C3orf49: variants seen among roughly 807,000 people sequenced by gnomAD.
C3orf49 encodes chromosome 3 open reading frame 49.
In C3orf49, 27 loss-of-function variants were observed where a neutral mutation model predicts 13.3. The observed-to-expected ratio is 2.02, with a 90% CI of 1.49 to 2.79. The LOEUF is 2.79. Ranked by LOEUF, C3orf49 falls within the 30% of genes most tolerant of loss-of-function variation. The pLI is 0.00. For missense variants in C3orf49, 242 were observed against 134.2 expected, an observed-to-expected ratio of 1.80 and a Z score of -3.97; for synonymous variants, 87 against 47.6, an observed-to-expected ratio of 1.83 and a Z score of -3.40.
the C3orf49 span, among the ~76,000 whole-genome samples, chr3:63,799,343 T>C: frequency 6.6e-6 from 1 of 152,070 alleles, no homozygotes; most frequent in Non-Finnish European, 1.5e-5. Context: ...ACCTCAAATA[T>C]TAGTGGACAT....
At chr3:63,832,028 T>A in intron 5 of C3orf49, 184 bp downstream of exon 5, 1 of 510,250 alleles carries the variant, frequency 2.0e-6, no homozygotes, top group African/African-American at 2.0e-5. Flanking sequence ...ACCCTGTCTC[T>A]ACTAAAAATA....
the C3orf49 span, among the ~76,000 whole-genome samples, chr3:63,785,379 G>T: frequency 4.6e-5 from 7 of 151,906 alleles, no homozygotes; most frequent in Admixed American, 1.3e-4. Context: ...GCCTCCACTG[G>T]ACTTCTCTTC....
intron 2 of C3orf49, among the ~76,000 whole-genome samples, chr3:63,826,298 G>A (rs965742391): frequency 6.6e-6 from 1 of 152,198 alleles, no homozygotes; most frequent in African/African-American, 2.4e-5. Flanking sequence ...AAGCGCAAAT[G>A]CAGGAAGAAC....
At chr3:63,804,069 G>A in the C3orf49 span, among the ~76,000 whole-genome samples, 1,089 of 152,066 alleles carry the variant, frequency 7.2e-3, 31 homozygotes, top group Admixed American at 0.051. Flanking sequence ...ATCTAATGCC[G>A]CCACTGATCT....
the C3orf49 span, among the ~76,000 whole-genome samples, chr3:63,794,172 T>TACAC: frequency 0.02 from 2,831 of 142,670 alleles, 90 homozygotes; most frequent in African/African-American, 0.064. Flanking sequence ...TACACACACA[T>TACAC]ACACACACAC....
At chr3:63,844,807 C>T (rs2107139022) in intron 5 of C3orf49, among the ~76,000 whole-genome samples, 1 of 152,276 alleles carries the variant, frequency 6.6e-6, no homozygotes, top group East Asian at 1.9e-4. Context: ...CCCTCTAGAA[C>T]CATAAGTCAA....
At chr3:63,783,510 G>A in the C3orf49 span, among the ~76,000 whole-genome samples, 20 of 140,226 alleles carry the variant, frequency 1.4e-4, no homozygotes, top group Non-Finnish European at 2.7e-4. Context: ...GTGAAATCCC[G>A]TCTCTACTAA....
chr3:63,813,124 T>A, the C3orf49 span, among the ~76,000 whole-genome samples: 1 of 152,328 alleles, frequency 6.6e-6, no homozygotes, highest in East Asian at 1.9e-4. Flanking sequence ...TTTTAATGGC[T>A]CCAATACCCA....
intron 6 of C3orf49, among the ~76,000 whole-genome samples, chr3:63,845,792 C>T (rs540680300): frequency 6.6e-6 from 1 of 152,230 alleles, no homozygotes; most frequent in South Asian, 2.1e-4. Flanking sequence ...GATCTGAGTA[C>T]CCTCCCTTCT....
At chr3:63,803,424 T>C in the C3orf49 span, among the ~76,000 whole-genome samples, 1 of 152,216 alleles carries the variant, frequency 6.6e-6, no homozygotes, top group Admixed American at 6.5e-5. Flanking sequence ...CAGAGAAGAA[T>C]GTCCCTCTGC....
the C3orf49 span, among the ~76,000 whole-genome samples, chr3:63,798,729 G>C: frequency 6.6e-6 from 1 of 152,074 alleles, no homozygotes; most frequent in African/African-American, 2.4e-5. Flanking sequence ...GATGTATGTA[G>C]GAGTGTGTCT....
the C3orf49 span, chr3:63,779,708 A>G: frequency 1.3e-5 from 2 of 152,226 alleles, no homozygotes; most frequent in Non-Finnish European, 2.9e-5. Flanking sequence ...TCTGAAAACG[A>G]AGAAGACTGA....
chr3:63,820,781 A>C (rs1701382726), intron 1 of C3orf49, among the ~76,000 whole-genome samples: 1 of 152,188 alleles, frequency 6.6e-6, no homozygotes. Context: ...AGGACATTTT[A>C]CTGCCATCTG....
chr3:63,810,252 C>A, the C3orf49 span, among the ~76,000 whole-genome samples: 4 of 152,074 alleles, frequency 2.6e-5, no homozygotes, highest in African/African-American at 9.7e-5. Context: ...AATTTCCCAC[C>A]CCTGCAGACA....
the C3orf49 span, among the ~76,000 whole-genome samples, chr3:63,793,031 T>C: frequency 6.6e-6 from 1 of 152,188 alleles, no homozygotes; most frequent in African/African-American, 2.4e-5. Flanking sequence ...TCCTGTGTAG[T>C]GATGCCATGA....
upstream of C3orf49, among the ~76,000 whole-genome samples, chr3:63,816,417 C>T (rs1701324757): frequency 6.6e-6 from 1 of 151,986 alleles, no homozygotes; most frequent in African/African-American, 2.4e-5. Context: ...ACGGTGAAAC[C>T]TCGTCTCTAC....
At chr3:63,826,012 G>C (rs957353068) in intron 2 of C3orf49, among the ~76,000 whole-genome samples, 1 of 152,184 alleles carries the variant, frequency 6.6e-6, no homozygotes, top group Non-Finnish European at 1.5e-5. Flanking sequence ...AGGAATAAGG[G>C]AGAGCATGTT....
At chr3:63,835,405 A>G in intron 5 of C3orf49, 1 of 1,612,344 alleles carries the variant, frequency 6.2e-7, no homozygotes, top group Non-Finnish European at 8.5e-7. Flanking sequence ...AAATAATAAA[A>G]CAGTGTTACA....
the C3orf49 span, among the ~76,000 whole-genome samples, chr3:63,788,116 CATT>C: frequency 5.9e-5 from 9 of 152,154 alleles, no homozygotes; most frequent in Non-Finnish European, 1.0e-4. Flanking sequence ...TTCTTAGCAT[CATT>C]GATAATAAAA....
Sources: allele counts gnomAD v4.1 joint callset (sites outside exome capture counted in the v4.1 genomes callset), GRCh38; gene constraint gnomAD v4.1.1; transcripts MANE v1.5; gene names NCBI Gene and HGNC (gene_info 2026-07-23, HGNC 2026-07-21).